The following PCDH9 variants were observed in gnomAD, a reference collection of about 807,000 sequenced individuals.
PCDH9 encodes the protein protocadherin 9, also known as protocadherin-9.
In PCDH9, 24 loss-of-function variants were observed where a neutral mutation model predicts 70.6. The observed-to-expected ratio is 0.34, with a 90% CI of 0.25 to 0.48. The LOEUF is 0.48. Among genes scored for constraint, PCDH9 ranks in the 20% least tolerant of loss-of-function variants. PCDH9 has a pLI of 0.99. For synonymous variants in PCDH9, 562 were observed against 558.5 expected (o/e 1.01, Z -0.09); for missense variants, 1,281 against 1,503.6 (o/e 0.85, Z 2.45).
intron 3 of PCDH9, among the ~76,000 whole-genome samples, chr13:66,732,268 C>T (rs1176692742): frequency 2.0e-5 from 3 of 151,832 alleles, no homozygotes; most frequent in Non-Finnish European, 2.9e-5. Flanking sequence ...TCTATGGGAA[C>T]ATTATAAATC....
chr13:67,133,310 C>T (rs1370526074), intron 2 of PCDH9, among the ~76,000 whole-genome samples: 2 of 151,990 alleles, frequency 1.3e-5, no homozygotes, highest in Non-Finnish European at 2.9e-5. Context: ...GAAATAGGGA[C>T]AACCGATAAA....
chr13:66,772,361 A>G (rs1818545939), intron 3 of PCDH9, among the ~76,000 whole-genome samples: 1 of 152,174 alleles, frequency 6.6e-6, no homozygotes, highest in Non-Finnish European at 1.5e-5. Flanking sequence ...TCTCATTATC[A>G]TGCCACAATT....
At chr13:67,168,709 T>C (rs547372206) in intron 2 of PCDH9, among the ~76,000 whole-genome samples, 2 of 152,336 alleles carry the variant, frequency 1.3e-5, no homozygotes, top group South Asian at 4.1e-4. Flanking sequence ...CCAGCCAGCC[T>C]GGGCAACAGA....
At chr13:67,036,490 A>G (rs543119608) in intron 2 of PCDH9, among the ~76,000 whole-genome samples, 1 of 152,332 alleles carries the variant, frequency 6.6e-6, no homozygotes, top group South Asian at 2.1e-4. Context: ...TAAAAATCAT[A>G]TCATGCAACT....
intron 2 of PCDH9, among the ~76,000 whole-genome samples, chr13:67,143,235 T>C (rs2087440582): frequency 1.3e-5 from 2 of 152,124 alleles, no homozygotes; most frequent in Admixed American, 1.3e-4. Flanking sequence ...TAATAACTCA[T>C]TTTTACAAAA....
At position 66,903,494 on chromosome 13, in the gene PCDH9, TATGGCATACCTCGTA is replaced by T. The variant is rs759173921; in HGVS notation, c.3133_3138+9del. 8.3e-7 allele frequency: 1 copy of T among 1,207,592 alleles called. No homozygotes were observed. The highest frequency in any genetic ancestry group is 1.2e-6 in the Non-Finnish European group (1 of 813,736). The allele number at this position is 1,207,592 out of a possible 1,614,324, so 74.8% of individuals were successfully genotyped here. ...AGTACTAACATGTTCTCTATAGATA[TATGGCATACCTCGTA>T]ATGGCTTTCTTCATTCTCCTGAATG... On this transcript the variant is annotated splice_donor_variant and splice_donor_5th_base_variant and coding_sequence_variant and intron_variant, in exon 3 of 5. Transcript: ENST00000377865. LOFTEE classifies it high-confidence loss of function.
At chr13:66,648,196 G>A (rs1433148953) in intron 3 of PCDH9, among the ~76,000 whole-genome samples, 1 of 152,208 alleles carries the variant, frequency 6.6e-6, no homozygotes, top group Admixed American at 6.5e-5. Context: ...CAGTGCTAGA[G>A]ACTTGGGCAA....
chr13:66,542,849 C>T (rs1961025006), intron 4 of PCDH9, among the ~76,000 whole-genome samples: 1 of 148,462 alleles, frequency 6.7e-6, no homozygotes, highest in South Asian at 2.1e-4. Context: ...GTGGAGAACC[C>T]TATACAACTA....
At chr13:66,865,250 T>C (rs1472038147) in intron 3 of PCDH9, among the ~76,000 whole-genome samples, 1 of 152,210 alleles carries the variant, frequency 6.6e-6, no homozygotes, top group East Asian at 1.9e-4. Context: ...GTTGTACTCA[T>C]TATGGGCATT....
At chr13:67,072,683 T>C (rs1201035094) in intron 2 of PCDH9, among the ~76,000 whole-genome samples, 1 of 151,758 alleles carries the variant, frequency 6.6e-6, no homozygotes, top group Non-Finnish European at 1.5e-5. Context: ...AAGTTCTGAA[T>C]GCTGAAACCC....
chr13:66,609,476 A>C lies in PCDH9; in HGVS notation c.3340+21734T>G, dbSNP rs144616301. On this transcript the variant is annotated intron_variant, in intron 4 of 4. Coordinates refer to ENST00000377865, the MANE Select transcript of PCDH9 (RefSeq NM_203487.3). The stretch of plus-strand genomic sequence containing the variant: ...TCTACTACTGTAACTTAAATTAGTA[A>C]TTTGTGAATAGCTATCATGTGAAGA... 5.6e-3 allele frequency among the ~76,000 whole-genome samples: 859 copies of C among 152,260 alleles called. 26 individuals are homozygous for C. The highest frequency in any genetic ancestry group is 0.054 in the Admixed American group (820 of 15,278).
At chr13:67,150,991 G>A (rs964990381) in intron 2 of PCDH9, among the ~76,000 whole-genome samples, 1 of 152,120 alleles carries the variant, frequency 6.6e-6, no homozygotes, top group African/African-American at 2.4e-5. Flanking sequence ...CCTTAGTTTA[G>A]TCTTAATCAT....
intron 2 of PCDH9, among the ~76,000 whole-genome samples, chr13:67,081,818 C>A (rs1285061957): frequency 6.6e-6 from 1 of 152,116 alleles, no homozygotes; most frequent in Non-Finnish European, 1.5e-5. Context: ...TCAATTATTT[C>A]CTAGAGACTG....
chr13:67,203,044 A>AG (rs1184704585), intron 2 of PCDH9: 1 of 152,178 alleles, frequency 6.6e-6, no homozygotes, highest in Non-Finnish European at 1.5e-5. Context: ...CCTTGATGGT[A>AG]GCAAAGCAGT....
At chr13:67,083,250 T>A (rs1000021718) in intron 2 of PCDH9, among the ~76,000 whole-genome samples, 1 of 152,126 alleles carries the variant, frequency 6.6e-6, no homozygotes, top group Non-Finnish European at 1.5e-5. Context: ...TTTTATAGAG[T>A]TTTGCATAAT....
intron 3 of PCDH9, among the ~76,000 whole-genome samples, chr13:66,681,052 A>T (rs1038199892): frequency 1.3e-5 from 2 of 152,052 alleles, no homozygotes; most frequent in African/African-American, 4.8e-5. Flanking sequence ...CCATCATCAT[A>T]AACTACTTCA....
At chr13:66,594,145 T>A (rs561630405) in intron 4 of PCDH9, among the ~76,000 whole-genome samples, 1 of 151,904 alleles carries the variant, frequency 6.6e-6, no homozygotes, top group East Asian at 1.9e-4. Flanking sequence ...GAAGTCAGAA[T>A]AATATGACTA....
chr13:66,316,739 T>G (rs1378727327), intron 4 of PCDH9, among the ~76,000 whole-genome samples: 1 of 152,150 alleles, frequency 6.6e-6, no homozygotes, highest in African/African-American at 2.4e-5. Flanking sequence ...CTTTTTCTTT[T>G]CGAGACAGAT....
At chr13:66,568,992 G>GTTTTTTTT (rs1263205330) in intron 4 of PCDH9, among the ~76,000 whole-genome samples, 2 of 80,698 alleles carry the variant, frequency 2.5e-5, no homozygotes, top group African/African-American at 1.1e-4. Context: ...TTGGAAACAT[G>GTTTTTTTT]TCTTTTTTTT....
Sources: allele counts gnomAD v4.1 joint callset (sites outside exome capture counted in the v4.1 genomes callset), GRCh38; gene constraint gnomAD v4.1.1; transcripts MANE v1.5; gene names NCBI Gene and HGNC (gene_info 2026-07-23, HGNC 2026-07-21).